The following CERCAM variants were observed in gnomAD, a reference collection of about 807,000 sequenced individuals.
CERCAM encodes the protein cerebral endothelial cell adhesion molecule.
CERCAM carries 59 observed loss-of-function variants against 66.0 expected under a neutral mutation model. The observed-to-expected ratio is 0.89, with a 90% CI of 0.73 to 1.11. CERCAM has a LOEUF of 1.11. Ranked by LOEUF, CERCAM falls within the 50% of genes most tolerant of loss-of-function variation. The pLI is 0.00. For synonymous variants in CERCAM, 318 were observed against 343.6 expected (o/e 0.93, Z 0.83); for missense variants, 840 against 828.3 (o/e 1.01, Z -0.17).
At chr9:128,433,733 G>A (rs1414113155) in intron 9 of CERCAM, among the ~76,000 whole-genome samples, 1 of 152,188 alleles carries the variant, frequency 6.6e-6, no homozygotes, top group Admixed American at 6.5e-5. Flanking sequence ...GCCACTTCCT[G>A]GCTGTGTGTC....
At chr9:128,422,681 C>T (rs957936416) in intron 1 of CERCAM, 187 bp from the exon 2 acceptor site, 2 of 590,210 alleles carry the variant, frequency 3.4e-6, no homozygotes, top group Admixed American at 3.0e-5. Context: ...TGAGGTCACA[C>T]AGCAGGTCAC....
chr9:128,430,966 G>A (rs1411633839), intron 8 of CERCAM: 9 of 560,926 alleles, frequency 1.6e-5, no homozygotes, highest in Non-Finnish European at 2.5e-5. Flanking sequence ...CTGAGATGGT[G>A]CCACTGCACT....
rs1177214546 is a variant in CERCAM, at chr9:128,428,664, G to A, written c.887-93G>A. 21 of 1,408,394 alleles carry A rather than the reference G, an allele frequency of 1.5e-5. No individual in the cohort carries two copies. In the Admixed American group the frequency reaches 3.2e-4, roughly 21 times the overall value. The allele number at this position is 1,408,394 out of a possible 1,614,324, so 87.2% of individuals were successfully genotyped here. On this transcript the variant is annotated intron_variant, in intron 6 of 12. Transcript: ENST00000372838. ...CCGTCCTGTGGGGTGTTCTGCCAAA[G>A]GGGGCAGGAATGAGGCTGGGGGCTA...
chr9:128,434,755 G>A lies in CERCAM; in HGVS notation c.1535+142G>A, dbSNP rs1195582211. The A allele has an allele frequency of 2.7e-6, 2 of 753,004 alleles. No individual in the cohort carries two copies. The highest frequency in any genetic ancestry group is 1.8e-5 in the South Asian group (1 of 56,132). The allele number at this position is 753,004 out of a possible 1,614,324, so 46.6% of individuals were successfully genotyped here. The stretch of plus-strand genomic sequence containing the variant: ...CAAGCCACTTGGCCCAGGTCACCAA[G>A]GAGTGGCTCAGCCTAGCCTTAGAGT... On this transcript the variant is annotated intron_variant, in intron 11 of 12. Coordinates refer to ENST00000372838, the MANE Select transcript of CERCAM (RefSeq NM_016174.5). This position sits in a 1 kb window ranked among gnomAD's most constrained non-coding sequence, Gnocchi z 4.5.
chr9:128,436,585 G>A (rs748840604), intron 12 of CERCAM, among the ~76,000 whole-genome samples: 3 of 152,170 alleles, frequency 2.0e-5, no homozygotes, highest in Non-Finnish European at 4.4e-5. Context: ...TCATCATGTT[G>A]GCCAGGCTGG....
intron 1 of CERCAM, 29 bp downstream of exon 1, chr9:128,421,103 G>T (rs62587135): frequency 0.028 from 35,920 of 1,274,350 alleles, 586 homozygotes; most frequent in Non-Finnish European, 0.032. Flanking sequence ...GGCACCGAGT[G>T]GGCACCTAAC....
rs1834066788 is a variant in CERCAM, at chr9:128,434,620, C to A, written c.1535+7C>A. The A allele has an allele frequency of 1.3e-6, 2 of 1,582,454 alleles. No homozygotes were observed. Among genetic ancestry groups the A allele is most frequent in the South Asian group, 2.2e-5 (2 of 90,560 alleles). ...TGTTCGACCAGCACCCCAAGTGAGGCTCTGATGGGGGCCGGGCATGGCAGG... is the reference window on the plus strand; with the variant it reads ...TGTTCGACCAGCACCCCAAGTGAGGATCTGATGGGGGCCGGGCATGGCAGG... On this transcript the variant is annotated splice_region_variant and intron_variant, in intron 11 of 12. Transcript: ENST00000372838. This position sits in a 1 kb window ranked among gnomAD's most constrained non-coding sequence, Gnocchi z 4.5.
At chr9:128,426,106 G>A (rs978177569) in intron 5 of CERCAM, among the ~76,000 whole-genome samples, 3 of 152,032 alleles carry the variant, frequency 2.0e-5, no homozygotes, top group Admixed American at 6.6e-5. Flanking sequence ...CCCCGGCTGC[G>A]AGATCCCATC....
intron 8 of CERCAM, chr9:128,430,958 G>T: frequency 1.9e-6 from 1 of 527,148 alleles, no homozygotes; most frequent in Non-Finnish European, 3.3e-6. Flanking sequence ...TCAGTGAGCT[G>T]AGATGGTGCC....
Position 128,423,256 on chromosome 9 carries a change from A to G in CERCAM, c.419A>G (p.Tyr140Cys), listed in dbSNP as rs11554801. The change falls in exon 3 of 13, where the codon TAT becomes TGT. Residue 140 changes from tyrosine to cysteine, a missense_variant. Tyr to Cys is a radical substitution (Grantham distance 194). Coordinates refer to ENST00000372838, the MANE Select transcript of CERCAM (RefSeq NM_016174.5). ...TTTGCCAGGAACTGGGGGGCCGACT[A>G]TATCCTGGTGAGGAAGTCTGGCTAG... Reference protein sequence around the residue: ...LTFARNWGADYILFADTDNIL... With the variant: ...LTFARNWGADCILFADTDNIL... 2 of 1,613,350 alleles carry G rather than the reference A, an allele frequency of 1.2e-6. No homozygotes were observed. The highest frequency in any genetic ancestry group is 4.5e-5 in the East Asian group (2 of 44,886).
In CERCAM at chr9:128,424,392, AG is replaced by A; in HGVS notation, c.562-17del. On this transcript the variant is annotated splice_polypyrimidine_tract_variant and intron_variant, in intron 4 of 12. Coordinates refer to ENST00000372838, the MANE Select transcript of CERCAM (RefSeq NM_016174.5). ...GCAGGGGAGCCCTCTCACAGCCCAA[AG>A]CATCCCTTTTCCCCAGGGCTACTAC... is the stretch of plus-strand genomic sequence containing the variant. 1 of 1,613,872 alleles carries A rather than the reference AG, an allele frequency of 6.2e-7. No homozygotes were observed. Among genetic ancestry groups the A allele is most frequent in the South Asian group, 1.1e-5 (1 of 91,070 alleles).
At chr9:128,421,210 C>T in intron 1 of CERCAM, 136 bp downstream of exon 1, 7 of 1,236,842 alleles carry the variant, frequency 5.7e-6, no homozygotes, top group Non-Finnish European at 7.1e-6. Flanking sequence ...ACAGACGGCC[C>T]TGCCAGCCCG....
chr9:128,422,998 G>T lies in CERCAM; in HGVS notation c.308+20G>T, dbSNP rs1188072820. The T allele has an allele frequency of 6.2e-7, 1 of 1,613,516 alleles. No individual in the cohort carries two copies. The highest frequency in any genetic ancestry group is 1.1e-5 in the South Asian group (1 of 91,054). The stretch of plus-strand genomic sequence containing the variant: ...GCCCAGGTGGTGATCTGAGGGGAAG[G>T]GTGCTGGGGAAGATGGAGAACAGCT... On this transcript the variant is annotated intron_variant, in intron 2 of 12. Coordinates refer to ENST00000372838, the MANE Select transcript of CERCAM (RefSeq NM_016174.5).
rs776859847 is a variant in CERCAM, at chr9:128,434,335, G to A, written c.1332-75G>A. The A allele has an allele frequency of 1.9e-6, 3 of 1,604,164 alleles. No individual in the cohort carries two copies. The East Asian group carries it at 6.7e-5, about 36-fold the overall frequency. On this transcript the variant is annotated intron_variant, in intron 10 of 12. Coordinates refer to ENST00000372838, the MANE Select transcript of CERCAM (RefSeq NM_016174.5). The surrounding 1 kb of genome is among the most constrained non-coding windows in gnomAD (Gnocchi z 4.5). ...GCCCATCCCCTGAGAGCCTGGCCCT[G>A]TAGGAGCGGGTGTGGGAGGGTCCCA...
chr9:128,429,973 T>C (rs550698022), intron 8 of CERCAM, among the ~76,000 whole-genome samples: 5 of 143,638 alleles, frequency 3.5e-5, no homozygotes, highest in Non-Finnish European at 7.6e-5. Flanking sequence ...TGTTTTGTTT[T>C]GTTTTTTTTT....
At position 128,423,220 on chromosome 9, in the gene CERCAM, A is replaced by G. The variant is rs1228118611; in HGVS notation, c.383A>G (p.Glu128Gly). The G allele has an allele frequency of 1.2e-6, 2 of 1,614,120 alleles. No individual in the cohort carries two copies. Among genetic ancestry groups the G allele is most frequent in the Admixed American group, 1.7e-5 (1 of 60,014 alleles). ...RHQFLMELKQ[E>G]ALTFARNWGA... is the part of the protein sequence containing the mutation. Reference sequence around the variant, plus strand: ...CAGTTTCTGATGGAGCTGAAGCAGGAAGCCCTCACCTTTGCCAGGAACTGG... The same window carrying G: ...CAGTTTCTGATGGAGCTGAAGCAGGGAGCCCTCACCTTTGCCAGGAACTGG... The change falls in exon 3 of 13, where the codon GAA becomes GGA. Residue 128 changes from glutamate to glycine, a missense_variant. Coordinates refer to ENST00000372838, the MANE Select transcript of CERCAM (RefSeq NM_016174.5).
chr9:128,432,344 G>T (rs989104113), intron 9 of CERCAM, among the ~76,000 whole-genome samples: 1 of 147,184 alleles, frequency 6.8e-6, no homozygotes, highest in East Asian at 2.0e-4. Context: ...CTTTTTTACC[G>T]TCCCTGAACA....
At chr9:128,422,011 G>T (rs1833721026) in intron 1 of CERCAM, 1 of 152,340 alleles carries the variant, frequency 6.6e-6, no homozygotes, top group Non-Finnish European at 1.5e-5. Context: ...CCCCAGGAGA[G>T]GGGAGGCTGT....
At chr9:128,428,694 T>A (rs1358787245) in intron 6 of CERCAM, 63 bp from the exon 7 acceptor site, 1 of 1,571,400 alleles carries the variant, frequency 6.4e-7, no homozygotes, top group Non-Finnish European at 8.8e-7. Context: ...GGGCTAGGAC[T>A]TCAGGGTGAC....
Sources: gnomAD v4.1 joint callset for allele counts (sites outside exome capture counted in the v4.1 genomes callset) on GRCh38, gnomAD v4.1.1 for gene constraint, Gnocchi (gnomAD v3.1) non-coding constraint, MANE v1.5 for transcripts, NCBI Gene and HGNC (gene_info 2026-07-23, HGNC 2026-07-21) for gene names.